KLRK1: variants seen among roughly 807,000 people sequenced by gnomAD.
KLRK1 encodes NKG2-D type II integral membrane protein.
A neutral mutation model predicts 31.3 loss-of-function variants in KLRK1; 40 were observed. That is an observed-to-expected ratio of 1.28 (90% confidence interval 0.99 to 1.67). The LOEUF is 1.67. Among genes scored for constraint, KLRK1 ranks in the 40% most tolerant of loss-of-function variants. The pLI is 0.00. For missense variants in KLRK1, 251 were observed against 260.0 expected, an observed-to-expected ratio of 0.97 and a Z score of 0.24; for synonymous variants, 77 against 77.3, an observed-to-expected ratio of 1.00 and a Z score of 0.02.
intron 7 of KLRK1, among the ~76,000 whole-genome samples, chr12:10,377,073 T>C (rs1862981408): frequency 6.6e-6 from 1 of 152,134 alleles, no homozygotes. Flanking sequence ...TGCCTCGGCC[T>C]CCCAAAGTGC....
Position 10,378,564 on chromosome 12 carries a change from T to C in KLRK1, c.419A>G (p.Lys140Arg), listed in dbSNP as rs781521831. Residue 140 changes from lysine (K) to arginine (R), a missense_variant, in exon 6 of 8, where the codon AAA (lysine) becomes AGA (arginine). Coordinates refer to ENST00000240618, the MANE Select transcript of KLRK1 (RefSeq NM_007360.4). Reference protein sequence around the residue: ...QNASLLKVYSKEDQDLLKLVK... With the variant: ...QNASLLKVYSREDQDLLKLVK... ...AAATAAATACTCAACCTGGTCCTCTTTGCTGTATACTTTCAGAAGGCTGGC... is the reference window on the plus strand; with the variant it reads ...AAATAAATACTCAACCTGGTCCTCTCTGCTGTATACTTTCAGAAGGCTGGC... 6.2e-7 allele frequency: 1 copy of C among 1,612,152 alleles called. No individual in the cohort carries two copies. Among genetic ancestry groups the C allele is most frequent in the South Asian group, 1.1e-5 (1 of 90,632 alleles).
rs763560511 is a variant in KLRK1, at chr12:10,388,820, A to T, written c.-10T>A. 6.2e-7 allele frequency: 1 copy of T among 1,613,978 alleles called. No individual in the cohort carries two copies. Among genetic ancestry groups the T allele is most frequent in the South Asian group, 1.1e-5 (1 of 91,080 alleles). On this transcript the variant is annotated 5_prime_UTR_variant, in exon 2 of 8. Transcript: ENST00000240618. ...CACGAATCCACCCCATCAAATACTT[A>T]TAAGTGCACGTCTACCGCAGAGAGG...
intron 5 of KLRK1, chr12:10,379,146 C>T (rs1185968171): frequency 6.4e-6 from 1 of 155,218 alleles, no homozygotes; most frequent in East Asian, 1.8e-4. Flanking sequence ...AACTGGGAGG[C>T]GAAGGTTGCA....
intron 3 of KLRK1, among the ~76,000 whole-genome samples, chr12:10,380,398 A>C (rs1341355774): frequency 6.6e-6 from 1 of 152,192 alleles, no homozygotes; most frequent in African/African-American, 2.4e-5. Context: ...TACAATAATA[A>C]ACATAAAGAA....
rs1017407900 is a variant in KLRK1, at chr12:10,388,787, C to A, written c.24G>T (p.Arg8Ser). The A allele has an allele frequency of 1.3e-5, 21 of 1,613,762 alleles. No individual in the cohort carries two copies. Among genetic ancestry groups the A allele is most frequent in the Non-Finnish European group, 1.7e-5 (20 of 1,179,938 alleles). MGWIRGR[R>S]SRHSWEMSEF... The stretch of plus-strand genomic sequence containing the variant: ...AAAACATACCCCAGCTGTGTCGAGA[C>A]CTCCGACCACGAATCCACCCCATCA... The change falls in exon 2 of 8, where the codon AGG becomes AGT. Residue 8 changes from arginine to serine, a missense_variant. By Grantham distance (110) the Arg-to-Ser change is moderately radical. Transcript: ENST00000240618.
At chr12:10,376,014 T>TAAAG (rs1376283149) in intron 7 of KLRK1, among the ~76,000 whole-genome samples, 1 of 152,182 alleles carries the variant, frequency 6.6e-6, no homozygotes, top group African/African-American at 2.4e-5. Flanking sequence ...TAAAGAAATG[T>TAAAG]AAAGATATGC....
At chr12:10,388,651 ATAGAACATGAAAAGAAT>A in intron 2 of KLRK1, 103 bp downstream of exon 2, 1 of 1,158,952 alleles carries the variant, frequency 8.6e-7, no homozygotes, top group Non-Finnish European at 1.2e-6. Context: ...ATCAACATAA[ATAGAACATGAAAAGAAT>A]CAGAGTAAAT....
chr12:10,379,942 T>C (rs1863039572), intron 3 of KLRK1, 150 bp from the exon 4 acceptor site: 1 of 544,424 alleles, frequency 1.8e-6, no homozygotes, highest in African/African-American at 1.9e-5. Context: ...AGAACATAAA[T>C]ACCTCGCAAA....
At chr12:10,386,666 C>T (rs977606821) in intron 3 of KLRK1, among the ~76,000 whole-genome samples, 17 of 151,688 alleles carry the variant, frequency 1.1e-4, no homozygotes, top group African/African-American at 1.7e-4. Flanking sequence ...ACTCCTGCCT[C>T]GATTATATTA....
chr12:10,373,748 T>C (rs1021989116), intron 7 of KLRK1, among the ~76,000 whole-genome samples: 1 of 95,648 alleles, frequency 1.0e-5, no homozygotes, highest in African/African-American at 2.7e-5. Flanking sequence ...TGGAGATTTC[T>C]ATATCTATAT....
chr12:10,388,892 T>G lies in KLRK1; in HGVS notation c.-65-17A>C, dbSNP rs1007109829. On this transcript the variant is annotated splice_polypyrimidine_tract_variant and intron_variant, in intron 1 of 7. Coordinates refer to ENST00000240618, the MANE Select transcript of KLRK1 (RefSeq NM_007360.4). ...AAAGGATTCCTGAATAAAATAAAACTGGGCATTTGTTTTTTGTTCTCTTTC... is the reference window on the plus strand; with the variant it reads ...AAAGGATTCCTGAATAAAATAAAACGGGGCATTTGTTTTTTGTTCTCTTTC... The G allele has an allele frequency of 3.2e-6, 5 of 1,538,616 alleles. No individual in the cohort carries two copies. The African/African-American group carries it at 5.5e-5, about 17-fold the overall frequency.
In KLRK1 at chr12:10,372,355, C is replaced by T. The variant is rs577041429; in HGVS notation, c.*759G>A. The T allele has an allele frequency of 7.0e-4, 107 of 152,334 alleles. No individual in the cohort carries two copies. The highest frequency in any genetic ancestry group is 2.3e-3 in the African/African-American group (97 of 41,566). The allele number at this position is 152,334 out of a possible 1,614,324, so 9.4% of individuals were successfully genotyped here. A position where few individuals can be genotyped will look rare whatever the true frequency, so the allele number is the denominator to read the frequency against. On this transcript the variant is annotated 3_prime_UTR_variant, in exon 8 of 8. Transcript: ENST00000240618. ...TCTAAATATCATCAAACAAGATATGCATGAGACTCAAGATTCTATTTATTC... is the reference window on the plus strand; with the variant it reads ...TCTAAATATCATCAAACAAGATATGTATGAGACTCAAGATTCTATTTATTC...
rs548997174 is a variant in KLRK1 at position 10,380,936 on chromosome 12, A to G, written c.149-1144T>C. Among the ~76,000 whole-genome samples, 76 of 152,260 alleles carry G rather than the reference A, an allele frequency of 5.0e-4. No individual in the cohort carries two copies. The South Asian group carries it at 0.016, about 31-fold the overall frequency. On this transcript the variant is annotated intron_variant, in intron 3 of 7. Coordinates refer to ENST00000240618, the MANE Select transcript of KLRK1 (RefSeq NM_007360.4). ...TTTATCTTCGCATGTTTGGGGCCCA[A>G]TAGCTTATGCATCTTCACATCCCTG...
Position 10,378,687 on chromosome 12 carries a change from C to A in KLRK1, c.296G>T (p.Cys99Phe). ...TTTGTAACATATCCAGTTTTTAGGA[C>A]ATGGGCCACAGTAACTTTCTGGAAA... ...IPLTESYCGPCPKNWICYKNN... is the reference protein window; with the variant it reads ...IPLTESYCGPFPKNWICYKNN... Residue 99 changes from cysteine to phenylalanine, a missense_variant, in exon 6 of 8, where the codon TGT becomes TTT. By Grantham distance (205) the Cys-to-Phe change is radical. Transcript: ENST00000240618. The A allele has an allele frequency of 6.2e-7, 1 of 1,602,984 alleles. No homozygotes were observed. The highest frequency in any genetic ancestry group is 8.5e-7 in the Non-Finnish European group (1 of 1,177,182).
chr12:10,378,491 C>G, intron 6 of KLRK1, 63 bp downstream of exon 6: 1 of 1,591,062 alleles, frequency 6.3e-7, no homozygotes, highest in South Asian at 1.2e-5. Flanking sequence ...GGTTCATATT[C>G]CAGTGAGTTG....
intron 2 of KLRK1, among the ~76,000 whole-genome samples, chr12:10,388,181 G>A (rs1863202576): frequency 6.6e-6 from 1 of 152,058 alleles, no homozygotes; most frequent in Non-Finnish European, 1.5e-5. Flanking sequence ...ACCTAACTCA[G>A]TTATTTTACA....
chr12:10,372,718 G>A lies in KLRK1; in HGVS notation c.*396C>T, dbSNP rs1344262303. On this transcript the variant is annotated 3_prime_UTR_variant, in exon 8 of 8. Transcript: ENST00000240618. The stretch of plus-strand genomic sequence containing the variant: ...GCCCATGCTGTGTCTCTCTGCTGTG[G>A]CCCTGCCCATGAGGCAATTTCCTGT... 1 of 235,028 alleles carries A rather than the reference G, an allele frequency of 4.3e-6. No individual in the cohort carries two copies. The highest frequency in any genetic ancestry group is 8.2e-6 in the Non-Finnish European group (1 of 121,452). 14.6% of individuals were successfully genotyped at this position (235,028 alleles called of 1,614,324 possible). A position where few individuals can be genotyped will look rare whatever the true frequency, so the allele number is the denominator to read the frequency against.
chr12:10,376,536 C>T (rs988439508), intron 7 of KLRK1, among the ~76,000 whole-genome samples: 9 of 152,000 alleles, frequency 5.9e-5, no homozygotes, highest in Non-Finnish European at 1.3e-4. Context: ...GCCAAATCAT[C>T]TCACATATTA....
intron 3 of KLRK1, among the ~76,000 whole-genome samples, chr12:10,384,956 A>G (rs556038225): frequency 5.3e-5 from 8 of 152,120 alleles, no homozygotes; most frequent in Non-Finnish European, 1.0e-4. Context: ...ATTTCTGAGA[A>G]GATATACAAA....
Sources: allele counts gnomAD v4.1 joint callset (sites outside exome capture counted in the v4.1 genomes callset), GRCh38; gene constraint gnomAD v4.1.1; transcripts MANE v1.5; gene names NCBI Gene and HGNC (gene_info 2026-07-23, HGNC 2026-07-21).